MYOF: variants seen among roughly 807,000 people sequenced by gnomAD.
The protein encoded by MYOF is myoferlin.
In MYOF, 244 loss-of-function variants were observed where a neutral mutation model predicts 284.2. The observed-to-expected ratio is 0.86, with a 90% confidence interval of 0.77 to 0.95. MYOF has a LOEUF of 0.95. Ranked by LOEUF, MYOF falls within the 40% of genes least tolerant of loss-of-function variation. The pLI, the probability that MYOF is intolerant of heterozygous loss-of-function variation, is 0.00. For missense variants in MYOF, 2,496 were observed against 2,560.6 expected (o/e 0.97, Z 0.54); for synonymous variants, 904 against 919.7 (o/e 0.98, Z 0.31).
chr10:93,355,908 C>T (rs116928143), intron 30 of MYOF, among the ~76,000 whole-genome samples, 172 bp from the exon 31 acceptor site: 1,684 of 152,308 alleles, frequency 0.011, 18 homozygotes, highest in Non-Finnish European at 0.018. Flanking sequence ...CAAGTGACTT[C>T]CCTGAAGTCG....
At chr10:93,319,091 G>C (rs972710607) in intron 49 of MYOF, among the ~76,000 whole-genome samples, 2 of 152,174 alleles carry the variant, frequency 1.3e-5, no homozygotes, top group Non-Finnish European at 2.9e-5. Context: ...AACAATGGTT[G>C]GTTCAGGGAT....
Position 93,462,359 on chromosome 10 carries a change from C to T in MYOF, c.89-5422G>A, listed in dbSNP as rs544969926. ...TGCTGGGATTACAGGCGTGAGACAC[C>T]GTGCCCGGCCTGCTAAGCCCTTTAC... On this transcript the variant is annotated intron_variant, in intron 1 of 53. Transcript: ENST00000359263. Among the ~76,000 whole-genome samples the T allele has an allele frequency of 1.4e-4, 21 of 152,224 alleles. No individual in the cohort carries two copies. The South Asian group carries it at 4.4e-3, about 32-fold the overall frequency.
At position 93,310,071 on chromosome 10, in the gene MYOF, C is replaced by G; in HGVS notation, c.6096G>C (p.Leu2032=). The part of the protein sequence containing the change: ...RRFKWVIIGL[L]FLLILLLFVA... ...CGAAGAGCAGCAGGATAAGCAGGAA[C>G]AGCAAGCCGATGATGACCCACTTAA... The change falls in exon 53 of 54, where the codon CTG becomes CTC. Residue 2032 remains leucine (L), a synonymous_variant. Coordinates refer to ENST00000359263, the MANE Select transcript of MYOF (RefSeq NM_013451.4). 6.2e-7 allele frequency: 1 copy of G among 1,614,126 alleles called. No individual in the cohort carries two copies. The highest frequency in any genetic ancestry group is 1.3e-5 in the African/African-American group (1 of 75,038).
Position 93,343,927 on chromosome 10 carries a change from G to C in MYOF, c.4255C>G (p.Leu1419Val), listed in dbSNP as rs780877845. The C allele has an allele frequency of 3.7e-6, 6 of 1,614,036 alleles. No individual in the cohort carries two copies. In the East Asian group the frequency reaches 1.1e-4, roughly 30 times the overall value. ...EDIVPQLKAS[L>V]LSAPPCRDIV... Reference sequence around the variant, plus strand: ...TCCCGGCATGGTGGGGCAGACAGAAGGGAGGCTGCAAGACAAATACTTTCT... The same window carrying C: ...TCCCGGCATGGTGGGGCAGACAGAACGGAGGCTGCAAGACAAATACTTTCT... Residue 1419 changes from leucine (L) to valine (V), a missense_variant, in exon 38 of 54, where the codon CTT becomes GTT. Transcript: ENST00000359263.
chr10:93,420,468 G>C (rs1408693269), intron 5 of MYOF, among the ~76,000 whole-genome samples: 1 of 152,128 alleles, frequency 6.6e-6, no homozygotes, highest in African/African-American at 2.4e-5. Flanking sequence ...CAAGCCACCA[G>C]TGCCCTAAGG....
chr10:93,442,331 A>T (rs2056292794), intron 3 of MYOF, among the ~76,000 whole-genome samples: 1 of 151,952 alleles, frequency 6.6e-6, no homozygotes, highest in Non-Finnish European at 1.5e-5. Context: ...AATTGAAGTA[A>T]TTTTTTCTTA....
At chr10:93,350,707 G>A (rs186007680) in intron 35 of MYOF, among the ~76,000 whole-genome samples, 6 of 152,268 alleles carry the variant, frequency 3.9e-5, no homozygotes, top group African/African-American at 4.8e-5. Context: ...GCCAGAGAAG[G>A]GAAATCTTGG....
At chr10:93,408,742 C>T (rs2134122484) in intron 7 of MYOF, 45 bp downstream of exon 7, 2 of 1,612,350 alleles carry the variant, frequency 1.2e-6, no homozygotes, top group African/African-American at 1.3e-5. Flanking sequence ...GTTTCCCTCC[C>T]CAGTGGGACT....
chr10:93,391,984 A>C (rs913053788), intron 17 of MYOF, among the ~76,000 whole-genome samples: 1 of 152,200 alleles, frequency 6.6e-6, no homozygotes, highest in Admixed American at 6.5e-5. Flanking sequence ...TGATTTCCTA[A>C]ACACCTACTA....
At position 93,395,927 on chromosome 10, in the gene MYOF, C is replaced by T. The variant is rs57823877; in HGVS notation, c.1417+215G>A. The stretch of plus-strand genomic sequence containing the variant: ...TCTAAAAGTTTACAATATATGCATA[C>T]TAGATTATGATTTTAGCAGTTTACT... On this transcript the variant is annotated intron_variant, in intron 16 of 53. Coordinates refer to ENST00000359263, the MANE Select transcript of MYOF (RefSeq NM_013451.4). Among the ~76,000 whole-genome samples, 251 of 149,440 alleles carry T rather than the reference C, an allele frequency of 1.7e-3. 1 individual carries two copies. Among genetic ancestry groups the T allele is most frequent in the African/African-American group, 6.0e-3 (244 of 40,412 alleles).
intron 1 of MYOF, among the ~76,000 whole-genome samples, chr10:93,481,033 T>C (rs879904037): frequency 1.3e-5 from 2 of 151,828 alleles, no homozygotes; most frequent in African/African-American, 2.4e-5. Flanking sequence ...AAGAAGTGAG[T>C]TGGCAGTCTT....
chr10:93,423,119 A>G (rs774569793), intron 5 of MYOF, among the ~76,000 whole-genome samples: 2 of 152,218 alleles, frequency 1.3e-5, no homozygotes, highest in Non-Finnish European at 2.9e-5. Context: ...AGATAAGGTT[A>G]CGGACCTTAA....
At chr10:93,320,131 G>T in intron 48 of MYOF, 118 bp from the exon 49 acceptor site, 3 of 1,233,428 alleles carry the variant, frequency 2.4e-6, no homozygotes, top group Non-Finnish European at 3.4e-6. Context: ...TTCTTGGGCA[G>T]ATTCCAGTTA....
chr10:93,320,068 C>T (rs900788199), intron 48 of MYOF, 55 bp from the exon 49 acceptor site: 45 of 1,600,528 alleles, frequency 2.8e-5, no homozygotes, highest in Middle Eastern at 1.7e-4. Context: ...GTCATGTAGC[C>T]GCAAAATTGT....
intron 26 of MYOF, among the ~76,000 whole-genome samples, chr10:93,365,654 A>ATAC (rs1207483637): frequency 6.6e-6 from 1 of 152,202 alleles, no homozygotes; most frequent in Non-Finnish European, 1.5e-5. Context: ...AGTGGAGATA[A>ATAC]TACTACTACT....
chr10:93,327,917 C>T (rs922501301), intron 45 of MYOF, among the ~76,000 whole-genome samples: 11 of 151,998 alleles, frequency 7.2e-5, no homozygotes, highest in African/African-American at 2.7e-4. Flanking sequence ...GCCACCACAC[C>T]CGGCTCTTCT....
chr10:93,395,520 C>T (rs781643999), intron 16 of MYOF, among the ~76,000 whole-genome samples: 1 of 152,134 alleles, frequency 6.6e-6, no homozygotes, highest in African/African-American at 2.4e-5. Context: ...TTCCTTCATT[C>T]CCTGTTACAA....
intron 38 of MYOF, among the ~76,000 whole-genome samples, chr10:93,341,423 C>A (rs1843904277): frequency 6.6e-6 from 1 of 151,922 alleles, no homozygotes; most frequent in Admixed American, 6.6e-5. Context: ...TTACAGGCGC[C>A]TGCCACCACA....
rs1024725597 is a variant in MYOF at position 93,316,232 on chromosome 10, G to A, written c.5698+482C>T. Among the ~76,000 whole-genome samples, 58 of 152,114 alleles carry A rather than the reference G, an allele frequency of 3.8e-4. 1 individual carries two copies. The highest frequency in any genetic ancestry group is 1.3e-3 in the African/African-American group (55 of 41,424). On this transcript the variant is annotated intron_variant, in intron 50 of 53. Coordinates refer to ENST00000359263, the MANE Select transcript of MYOF (RefSeq NM_013451.4). ...TCTGGAGAGCACAGTGCCATGGGGG[G>A]CGAGGGAGGAGTGTGCCAGGAGAGG...
Sources: gnomAD v4.1 joint callset for allele counts (sites outside exome capture counted in the v4.1 genomes callset) on GRCh38, gnomAD v4.1.1 for gene constraint, MANE v1.5 for transcripts, NCBI Gene and HGNC (gene_info 2026-07-23, HGNC 2026-07-21) for gene names.